The following FER variants were observed in gnomAD, a reference collection of about 807,000 sequenced individuals.
FER encodes tyrosine-protein kinase Fer.
A neutral mutation model predicts 111.0 loss-of-function variants in FER; 63 were observed. That is an observed-to-expected ratio of 0.57 (90% CI 0.46 to 0.70). The LOEUF is 0.70. FER is among the 30% of genes least tolerant of loss of function. The probability of loss-of-function intolerance (pLI) is 0.00; values close to 1 mark genes in which losing one functional copy is unlikely to be tolerated. For missense variants in FER, 914 were observed against 954.0 expected, an observed-to-expected ratio of 0.96 and a Z score of 0.55; for synonymous variants, 327 against 313.9, an observed-to-expected ratio of 1.04 and a Z score of -0.44.
At chr5:109,053,427 G>A (rs11951976) in intron 16 of FER, among the ~76,000 whole-genome samples, 53,099 of 148,352 alleles carry the variant, frequency 0.36, 9,865 homozygotes, top group Non-Finnish European at 0.42. Context: ...GAAGCTCATT[G>A]TGGCAGATAC....
chr5:108,761,660 C>T (rs1751765149), intron 1 of FER, among the ~76,000 whole-genome samples: 1 of 152,064 alleles, frequency 6.6e-6, no homozygotes, highest in South Asian at 2.1e-4. Flanking sequence ...TTGCTCAGTG[C>T]AGGATTATAA....
chr5:109,160,032 A>G (rs997725668), intron 17 of FER, among the ~76,000 whole-genome samples: 2 of 152,234 alleles, frequency 1.3e-5, no homozygotes, highest in African/African-American at 4.8e-5. Context: ...GAGGAAAGAA[A>G]TGAACCAGAG....
intron 9 of FER, among the ~76,000 whole-genome samples, chr5:108,886,756 C>A (rs947005740): frequency 4.0e-5 from 6 of 151,626 alleles, no homozygotes; most frequent in Admixed American, 1.3e-4. Flanking sequence ...CTCTTGTTAA[C>A]CTTTGTTACC....
rs557777148 is a variant in FER at position 109,014,523 on chromosome 5, C to G, written c.1657-22899C>G. The stretch of plus-strand genomic sequence containing the variant: ...TTTGAAGTCAGGTAGCGTGATGCCT[C>G]CAGCTTTGTTCTTTTGGCTTAGGAT... On this transcript the variant is annotated intron_variant, in intron 13 of 19. Coordinates refer to ENST00000281092, the MANE Select transcript of FER (RefSeq NM_005246.4). 1.5e-3 allele frequency among the ~76,000 whole-genome samples: 224 copies of G among 152,170 alleles called. 1 individual carries two copies. The highest frequency in any genetic ancestry group is 5.3e-3 in the African/African-American group (221 of 41,494).
intron 5 of FER, among the ~76,000 whole-genome samples, chr5:108,863,025 G>A (rs1357507201): frequency 1.3e-5 from 2 of 152,122 alleles, no homozygotes; most frequent in Non-Finnish European, 2.9e-5. Flanking sequence ...CTCCATGTAG[G>A]AGCCTCCTCC....
In FER at chr5:108,810,021, C is replaced by T. The variant is rs554459089; in HGVS notation, c.207+11632C>T. Among the ~76,000 whole-genome samples the T allele has an allele frequency of 3.9e-5, 6 of 152,296 alleles. No homozygotes were observed. In the South Asian group the frequency reaches 1.2e-3, roughly 32 times the overall value. On this transcript the variant is annotated intron_variant, in intron 3 of 19. Transcript: ENST00000281092. ...TCCTTCTCATCTAGAGGTGCTGGCACTTCTAATTTTTGTAATTATTTTTGT... is the reference window on the plus strand; with the variant it reads ...TCCTTCTCATCTAGAGGTGCTGGCATTTCTAATTTTTGTAATTATTTTTGT...
chr5:109,024,178 A>G (rs1581695462), intron 13 of FER, among the ~76,000 whole-genome samples: 1 of 152,154 alleles, frequency 6.6e-6, no homozygotes, highest in African/African-American at 2.4e-5. Context: ...ACAGAAGACT[A>G]TTTCTGCAGT....
chr5:108,788,340 C>G (rs114601005), intron 2 of FER, among the ~76,000 whole-genome samples: 1 of 152,164 alleles, frequency 6.6e-6, no homozygotes, highest in Non-Finnish European at 1.5e-5. Context: ...TCACACACCC[C>G]TTGCTGCTCC....
At chr5:108,973,013 A>G (rs932523629) in intron 13 of FER, among the ~76,000 whole-genome samples, 1 of 152,162 alleles carries the variant, frequency 6.6e-6, no homozygotes, top group African/African-American at 2.4e-5. Flanking sequence ...GCTTATCTGT[A>G]TTTTATACTA....
intron 13 of FER, among the ~76,000 whole-genome samples, chr5:108,977,684 C>G (rs534785408): frequency 6.6e-6 from 1 of 152,176 alleles, no homozygotes; most frequent in Non-Finnish European, 1.5e-5. Context: ...TTTATATACT[C>G]CCTTTTCCTC....
intron 5 of FER, among the ~76,000 whole-genome samples, chr5:108,864,269 C>T (rs2150224972): frequency 6.6e-6 from 1 of 152,198 alleles, no homozygotes; most frequent in Non-Finnish European, 1.5e-5. Context: ...ACAAGTCTGC[C>T]AGAAGGTTTG....
At chr5:108,762,167 GTGGTATAAT>G (rs1320415562) in intron 1 of FER, among the ~76,000 whole-genome samples, 2 of 152,090 alleles carry the variant, frequency 1.3e-5, no homozygotes, top group Non-Finnish European at 2.9e-5. Flanking sequence ...TGCCTGCCTT[GTGGTATAAT>G]TTTTTATGTT....
intron 17 of FER, among the ~76,000 whole-genome samples, chr5:109,140,628 G>T (rs1561946410): frequency 6.6e-6 from 1 of 152,162 alleles, no homozygotes; most frequent in Non-Finnish European, 1.5e-5. Context: ...AGTGTTTTAT[G>T]CTACCCTTAT....
At chr5:108,753,710 T>C (rs1750754352) in intron 1 of FER, among the ~76,000 whole-genome samples, 1 of 152,236 alleles carries the variant, frequency 6.6e-6, no homozygotes, top group South Asian at 2.1e-4. Flanking sequence ...GATTATTTTT[T>C]AAGGAGCAGT....
intron 13 of FER, among the ~76,000 whole-genome samples, chr5:108,988,766 G>A (rs1762844284): frequency 3.3e-5 from 5 of 151,760 alleles, no homozygotes; most frequent in Admixed American, 3.3e-4. Flanking sequence ...TGTTGTTGTT[G>A]GTTTTGGTGT....
chr5:108,808,786 A>G (rs1001107545), intron 3 of FER, among the ~76,000 whole-genome samples: 8 of 152,092 alleles, frequency 5.3e-5, no homozygotes, highest in Admixed American at 2.0e-4. Context: ...GCGACCTGGT[A>G]TAGAATTCTG....
At chr5:109,165,578 T>TG (rs1466435160) in intron 17 of FER, among the ~76,000 whole-genome samples, 1 of 145,552 alleles carries the variant, frequency 6.9e-6, no homozygotes, top group Non-Finnish European at 1.5e-5. Flanking sequence ...ACCACACAGG[T>TG]GGGAGGAGGG....
chr5:108,890,989 G>C (rs981296718), intron 9 of FER, among the ~76,000 whole-genome samples: 11 of 152,084 alleles, frequency 7.2e-5, no homozygotes, highest in Non-Finnish European at 1.6e-4. Context: ...CATCAGCAAT[G>C]TGTGAGTGAT....
chr5:108,964,038 T>G (rs1350845744), intron 13 of FER, among the ~76,000 whole-genome samples: 1 of 152,226 alleles, frequency 6.6e-6, no homozygotes, highest in Non-Finnish European at 1.5e-5. Flanking sequence ...TATATCCATG[T>G]TCTTCAATTC....
Sources: allele counts gnomAD v4.1 joint callset (sites outside exome capture counted in the v4.1 genomes callset), GRCh38; gene constraint gnomAD v4.1.1; transcripts MANE v1.5; gene names NCBI Gene and HGNC (gene_info 2026-07-23, HGNC 2026-07-21).